The following CYFIP1 variants were observed in gnomAD, a reference collection of about 807,000 sequenced individuals.
CYFIP1 encodes the protein cytoplasmic FMR1-interacting protein 1.
CYFIP1 carries 58 observed loss-of-function variants against 163.5 expected under a neutral mutation model. That is an observed-to-expected ratio of 0.35 (90% CI 0.29 to 0.44). The LOEUF is 0.44. Ranked by LOEUF, CYFIP1 falls within the 20% of genes least tolerant of loss-of-function variation. CYFIP1 has a pLI of 1.00. For missense variants in CYFIP1, 1,338 were observed against 1,653.8 expected (o/e 0.81, Z 3.31); for synonymous variants, 663 against 660.7 (o/e 1.00, Z -0.05).
rs1595575112 is a variant in CYFIP1 at position 22,910,509 on chromosome 15, C to T, written c.2268+11G>A. ...ACTCTACGTCCCCACCACAGCCCGG[C>T]CCCAGCTCACCTGCACATGCCTCTG... On this transcript the variant is annotated intron_variant, in intron 20 of 30. Transcript: ENST00000617928. 6.2e-7 allele frequency: 1 copy of T among 1,609,762 alleles called. No homozygotes were observed. Among genetic ancestry groups the T allele is most frequent in the Non-Finnish European group, 8.5e-7 (1 of 1,176,210 alleles).
At chr15:22,875,827 G>A (rs1484868465) in intron 26 of CYFIP1, among the ~76,000 whole-genome samples, 1 of 145,244 alleles carries the variant, frequency 6.9e-6, no homozygotes, top group African/African-American at 2.5e-5. Context: ...CTGCTCTTGG[G>A]TCACAAGCTC....
chr15:22,948,943 A>G (rs953831701), intron 1 of CYFIP1, among the ~76,000 whole-genome samples: 2 of 152,162 alleles, frequency 1.3e-5, no homozygotes, highest in African/African-American at 4.8e-5. Flanking sequence ...GAGAAGGTCT[A>G]ACATCTGTGC....
At chr15:22,915,301 T>C (rs1261144349) in intron 16 of CYFIP1, among the ~76,000 whole-genome samples, 1 of 152,068 alleles carries the variant, frequency 6.6e-6, no homozygotes, top group African/African-American at 2.4e-5. Context: ...ATTTTGTATT[T>C]TTTATAGAGA....
At chr15:22,970,501 T>C (rs963456851) in intron 1 of CYFIP1, among the ~76,000 whole-genome samples, 11 of 152,336 alleles carry the variant, frequency 7.2e-5, no homozygotes, top group Admixed American at 5.9e-4. Flanking sequence ...TTGAAAAAGA[T>C]GAACAAAGTT....
At chr15:22,910,115 G>A (rs2060734147) in intron 20 of CYFIP1, among the ~76,000 whole-genome samples, 1 of 152,138 alleles carries the variant, frequency 6.6e-6, no homozygotes, top group East Asian at 1.9e-4. Context: ...CACAAGGCAT[G>A]CTGATATCTA....
At chr15:22,879,431 G>A (rs572064211) in intron 26 of CYFIP1, among the ~76,000 whole-genome samples, 4 of 152,236 alleles carry the variant, frequency 2.6e-5, no homozygotes, top group East Asian at 3.9e-4. Flanking sequence ...GTGGGCTCCC[G>A]GGGGCTCCCC....
At chr15:22,943,569 T>G (rs962556719) in intron 5 of CYFIP1, among the ~76,000 whole-genome samples, 1 of 152,220 alleles carries the variant, frequency 6.6e-6, no homozygotes, top group Non-Finnish European at 1.5e-5. Context: ...ACTTGCACTT[T>G]ACCAACTACA....
At chr15:22,875,783 A>G (rs2059565474) in intron 26 of CYFIP1, among the ~76,000 whole-genome samples, 1 of 151,058 alleles carries the variant, frequency 6.6e-6, no homozygotes, top group Non-Finnish European at 1.5e-5. Flanking sequence ...TTCCCTACAG[A>G]GCCCAAAACA....
intron 11 of CYFIP1, among the ~76,000 whole-genome samples, chr15:22,931,474 G>A (rs980132535): frequency 1.3e-5 from 2 of 151,990 alleles, no homozygotes; most frequent in African/African-American, 2.4e-5. Context: ...GCCACCCAGA[G>A]GCTCCTGCTC....
chr15:22,918,679 G>C lies in CYFIP1; in HGVS notation c.1526+13C>G, dbSNP rs2142117606. The C allele has an allele frequency of 6.3e-7, 1 of 1,578,310 alleles. No homozygotes were observed. Among genetic ancestry groups the C allele is most frequent in the Non-Finnish European group, 8.6e-7 (1 of 1,161,852 alleles). On this transcript the variant is annotated intron_variant, in intron 14 of 30. Transcript: ENST00000617928. Reference sequence around the variant, plus strand: ...TGTGGGCACAGCGGGCACAGGGCGTGGGGAAGGCTGACCTCTGGATGACGT... The same window carrying C: ...TGTGGGCACAGCGGGCACAGGGCGTCGGGAAGGCTGACCTCTGGATGACGT...
chr15:22,927,074 C>T (rs1363654927), intron 12 of CYFIP1, among the ~76,000 whole-genome samples: 6 of 152,216 alleles, frequency 3.9e-5, no homozygotes, highest in South Asian at 2.1e-4. Context: ...CAGTGGCTCA[C>T]GCCTGTAATC....
At chr15:22,884,768 C>A (rs1386517220) in intron 23 of CYFIP1, among the ~76,000 whole-genome samples, 2 of 152,186 alleles carry the variant, frequency 1.3e-5, no homozygotes, top group African/African-American at 4.8e-5. Context: ...GCTCCACCCC[C>A]ACAGCAAACC....
chr15:22,910,803 C>T lies in CYFIP1; in HGVS notation c.2093G>A (p.Cys698Tyr). 6.2e-7 allele frequency: 1 copy of T among 1,613,608 alleles called. No homozygotes were observed. The highest frequency in any genetic ancestry group is 8.5e-7 in the Non-Finnish European group (1 of 1,179,536). ...TAGCTTGTAAACAAATTGGTCAAAA[C>T]ATAGATTCACCTGAAGAAAAAGAAA... ...YDEIEAEVNL[C>Y]FDQFVYKLAD... The change falls in exon 19 of 31, where the codon TGT becomes TAT. Residue 698 changes from cysteine (C) to tyrosine (Y), a missense_variant. By Grantham distance (194) the Cys-to-Tyr change is radical. Coordinates refer to ENST00000617928, the MANE Select transcript of CYFIP1 (RefSeq NM_014608.6).
chr15:22,965,948 C>T (rs187940259), intron 1 of CYFIP1, among the ~76,000 whole-genome samples: 1 of 152,224 alleles, frequency 6.6e-6, no homozygotes, highest in Admixed American at 6.5e-5. Flanking sequence ...TGTGTTGAAG[C>T]CTTAACCCCC....
intron 1 of CYFIP1, among the ~76,000 whole-genome samples, chr15:22,976,995 T>A (rs1595747073): frequency 6.6e-6 from 1 of 151,816 alleles, no homozygotes; most frequent in African/African-American, 2.4e-5. Context: ...AGGTTGGGAG[T>A]TCCAGACCAG....
Position 22,951,630 on chromosome 15 carries a change from CGGG to C in CYFIP1, c.-6-4342_-6-4340del, listed in dbSNP as rs905693135. On this transcript the variant is annotated intron_variant, in intron 1 of 30. Coordinates refer to ENST00000617928, the MANE Select transcript of CYFIP1 (RefSeq NM_014608.6). ...GCCTGGGGGCGTGTCCAGTCATGCC[CGGG>C]CCCCACGCGGGTCAACAAGAAGACA... The C allele has an allele frequency of 5.3e-6, 6 of 1,137,794 alleles. No individual in the cohort carries two copies. In the African/African-American group the frequency reaches 8.0e-5, roughly 15 times the overall value. The allele number at this position is 1,137,794 out of a possible 1,614,324, so 70.5% of individuals were successfully genotyped here.
chr15:22,947,827 T>C (rs2062111898), intron 1 of CYFIP1: 2 of 510,672 alleles, frequency 3.9e-6, no homozygotes, highest in Admixed American at 1.2e-4. Context: ...GCAAGGAGTA[T>C]GGGGCTGCCG....
At chr15:22,919,201 A>C (rs2061098355) in intron 13 of CYFIP1, among the ~76,000 whole-genome samples, 1 of 152,192 alleles carries the variant, frequency 6.6e-6, no homozygotes, top group Non-Finnish European at 1.5e-5. Flanking sequence ...TAGAAAAAGA[A>C]GTTACAAGAG....
chr15:22,930,749 G>A (rs528627021), intron 11 of CYFIP1, among the ~76,000 whole-genome samples: 3 of 152,228 alleles, frequency 2.0e-5, no homozygotes, highest in South Asian at 2.1e-4. Context: ...TGTGTTTTAA[G>A]CAAAGTGTTG....
Sources: allele counts gnomAD v4.1 joint callset (sites outside exome capture counted in the v4.1 genomes callset), GRCh38; gene constraint gnomAD v4.1.1; transcripts MANE v1.5; gene names NCBI Gene and HGNC (gene_info 2026-07-23, HGNC 2026-07-21).